The following AGTPBP1 variants were observed in gnomAD, a reference collection of about 807,000 sequenced individuals.
The protein encoded by AGTPBP1 is ATP/GTP binding carboxypeptidase 1.
Under a neutral mutation model 143.9 loss-of-function variants are expected in AGTPBP1, and 70 were observed. That is an observed-to-expected ratio of 0.49 (90% CI 0.40 to 0.59). The LOEUF (loss-of-function observed/expected upper bound fraction) is 0.59, where lower values mean the gene tolerates loss of function less well. AGTPBP1 is among the 20% of genes least tolerant of loss of function. AGTPBP1 has a pLI of 0.00. For missense variants in AGTPBP1, 1,229 were observed against 1,464.5 expected (o/e 0.84, Z 2.62); for synonymous variants, 463 against 500.2 (o/e 0.93, Z 0.99).
chr9:85,713,711 A>G (rs1587959785), intron 1 of AGTPBP1, among the ~76,000 whole-genome samples: 2 of 152,216 alleles, frequency 1.3e-5, no homozygotes, highest in African/African-American at 4.8e-5. Flanking sequence ...TTTGTCTTCA[A>G]TAACAGAACT....
intron 25 of AGTPBP1, among the ~76,000 whole-genome samples, chr9:85,570,796 C>A (rs1227107667): frequency 6.6e-6 from 1 of 152,078 alleles, no homozygotes; most frequent in African/African-American, 2.4e-5. Flanking sequence ...ACTGAGATTA[C>A]AAAAATAATT....
chr9:85,582,030 T>C (rs527553863), intron 23 of AGTPBP1, among the ~76,000 whole-genome samples: 41 of 152,362 alleles, frequency 2.7e-4, no homozygotes, highest in African/African-American at 9.6e-4. Flanking sequence ...ATACTTAACC[T>C]GTAATAATAA....
At chr9:85,747,939 T>C in the AGTPBP1 span, among the ~76,000 whole-genome samples, 327 of 152,170 alleles carry the variant, frequency 2.1e-3, 1 homozygote, top group African/African-American at 7.0e-3. Context: ...ATTTTCAACT[T>C]TTTTTTTCTT....
the AGTPBP1 span, among the ~76,000 whole-genome samples, chr9:85,799,138 A>G: frequency 6.6e-6 from 1 of 152,080 alleles, no homozygotes; most frequent in African/African-American, 2.4e-5. Context: ...AGCTTCATTC[A>G]TGTCCCTGCA....
At chr9:85,565,704 GAT>G (rs1827041840) in intron 25 of AGTPBP1, among the ~76,000 whole-genome samples, 1 of 152,080 alleles carries the variant, frequency 6.6e-6, no homozygotes, top group Non-Finnish European at 1.5e-5. Context: ...GTGCCCTACT[GAT>G]TCCATATTCA....
At chr9:85,663,051 A>T (rs1055021433) in intron 8 of AGTPBP1, among the ~76,000 whole-genome samples, 2 of 152,186 alleles carry the variant, frequency 1.3e-5, no homozygotes, top group African/African-American at 4.8e-5. Context: ...ACCTAGGTGG[A>T]GTCTGGCAGA....
chr9:85,717,180 T>G (rs1015281975), intron 1 of AGTPBP1, among the ~76,000 whole-genome samples: 1 of 152,192 alleles, frequency 6.6e-6, no homozygotes, highest in Non-Finnish European at 1.5e-5. Flanking sequence ...TCCAAAGCAC[T>G]TACTGCCTTC....
At chr9:85,576,102 T>A (rs1827883597) in intron 24 of AGTPBP1, among the ~76,000 whole-genome samples, 1 of 152,166 alleles carries the variant, frequency 6.6e-6, no homozygotes, top group Non-Finnish European at 1.5e-5. Context: ...AACCTCCCTA[T>A]CTTTTTTAAA....
chr9:85,690,143 G>A (rs1835771453), intron 3 of AGTPBP1, among the ~76,000 whole-genome samples: 1 of 151,944 alleles, frequency 6.6e-6, no homozygotes, highest in Admixed American at 6.6e-5. Flanking sequence ...ACTACTGAAA[G>A]ATATCTTTGT....
At chr9:85,761,778 T>A in the AGTPBP1 span, among the ~76,000 whole-genome samples, 4 of 152,008 alleles carry the variant, frequency 2.6e-5, no homozygotes, top group Non-Finnish European at 5.9e-5. Flanking sequence ...ACAAATGGGA[T>A]CTAATTAAAC....
chr9:85,643,020 T>A (rs1276652652), intron 12 of AGTPBP1, 77 bp from the exon 13 acceptor site: 1 of 912,352 alleles, frequency 1.1e-6, no homozygotes, highest in Non-Finnish European at 1.7e-6. Flanking sequence ...AGATTTAAAA[T>A]GTTCCAAGTT....
At chr9:85,731,070 G>A (rs1337803715) in intron 1 of AGTPBP1, among the ~76,000 whole-genome samples, 2 of 152,142 alleles carry the variant, frequency 1.3e-5, no homozygotes, top group African/African-American at 4.8e-5. Context: ...GAGAGGAATC[G>A]TACAATATCC....
intron 3 of AGTPBP1, among the ~76,000 whole-genome samples, chr9:85,688,386 A>G (rs1166710471): frequency 6.6e-6 from 1 of 152,134 alleles, no homozygotes; most frequent in East Asian, 1.9e-4. Flanking sequence ...CTTCTATCCA[A>G]CAAATTACAG....
the AGTPBP1 span, among the ~76,000 whole-genome samples, chr9:85,795,754 C>T: frequency 1.3e-5 from 2 of 152,040 alleles, no homozygotes; most frequent in East Asian, 3.9e-4. Flanking sequence ...GGATAATTGG[C>T]CTCCAGCTGC....
At chr9:85,744,104 A>T (rs747832338), upstream of AGTPBP1, among the ~76,000 whole-genome samples, 1 of 151,356 alleles carries the variant, frequency 6.6e-6, no homozygotes, top group Non-Finnish European at 1.5e-5. Context: ...AATTTTTTTA[A>T]TTGTTTTTGT....
intron 6 of AGTPBP1, 51 bp from the exon 7 acceptor site, chr9:85,672,732 A>ATT (rs35158140): frequency 0.043 from 39,228 of 904,944 alleles, 530 homozygotes; most frequent in African/African-American, 0.12. Context: ...TTTCTTTTTA[A>ATT]TTTTTTTTTT....
chr9:85,554,723 A>G (rs1352642044), intron 25 of AGTPBP1, among the ~76,000 whole-genome samples: 1 of 152,198 alleles, frequency 6.6e-6, no homozygotes, highest in Non-Finnish European at 1.5e-5. Context: ...ATTACCACAC[A>G]TAAGAAATAG....
Position 85,585,530 on chromosome 9 carries a change from T to C in AGTPBP1, c.3098A>G (p.Lys1033Arg), listed in dbSNP as rs1401808131. 1.9e-6 allele frequency: 3 copies of C among 1,611,794 alleles called. No individual in the cohort carries two copies. The highest frequency in any genetic ancestry group is 2.5e-6 in the Non-Finnish European group (3 of 1,178,920). ...KNVFMYGCSIKETVWHTNDNA... is the reference protein window; with the variant it reads ...KNVFMYGCSIRETVWHTNDNA... ...ATCATTGGTATGCCACACTGTCTCT[T>C]TGATGCTGCAACCATACATAAATAC... Residue 1033 changes from lysine (K) to arginine (R), a missense_variant, in exon 23 of 26, where the codon AAA (lysine) becomes AGA (arginine). Around this residue, in one of 2 missense-constraint regions of AGTPBP1, gnomAD observed 486 missense variants for 652.3 expected, o/e 0.75. Transcript: ENST00000357081.
chr9:85,591,638 A>G (rs1828974017), intron 19 of AGTPBP1, among the ~76,000 whole-genome samples: 1 of 152,186 alleles, frequency 6.6e-6, no homozygotes, highest in African/African-American at 2.4e-5. Flanking sequence ...TAAGCACAGA[A>G]AGATATATGA....
Sources: allele counts gnomAD v4.1 joint callset (sites outside exome capture counted in the v4.1 genomes callset), GRCh38; gene constraint gnomAD v4.1.1; regional missense constraint gnomAD v4.1.1; transcripts MANE v1.5; gene names NCBI Gene and HGNC (gene_info 2026-07-23, HGNC 2026-07-21).